The following AHRR variants were observed in gnomAD, a reference collection of about 807,000 sequenced individuals.
The protein encoded by AHRR is aryl hydrocarbon receptor repressor.
In AHRR, 28 loss-of-function variants were observed where a neutral mutation model predicts 44.0. That is an observed-to-expected ratio of 0.64 (90% CI 0.47 to 0.87). The LOEUF is 0.87. Among genes scored for constraint, AHRR ranks in the 40% least tolerant of loss-of-function variants. AHRR has a pLI of 0.00. For missense variants in AHRR, 990 were observed against 953.9 expected (o/e 1.04, Z -0.50); for synonymous variants, 434 against 407.0 (o/e 1.07, Z -0.80).
chr5:391,034 G>A (rs1410066904), intron 4 of AHRR, among the ~76,000 whole-genome samples: 2 of 125,336 alleles, frequency 1.6e-5, no homozygotes, highest in African/African-American at 6.0e-5. Context: ...CTACCACCCA[G>A]GCAGAACATC....
At chr5:432,349 T>A in intron 8 of AHRR, 114 bp from the exon 9 acceptor site, 1 of 969,894 alleles carries the variant, frequency 1.0e-6, no homozygotes, top group Non-Finnish European at 1.6e-6. Context: ...TCTTCACTGC[T>A]CAGGTGTGAC....
chr5:329,729 T>C (rs1741848605), intron 1 of AHRR, among the ~76,000 whole-genome samples: 1 of 152,240 alleles, frequency 6.6e-6, no homozygotes, highest in Non-Finnish European at 1.5e-5. Flanking sequence ...TTAATGGTTA[T>C]TGTAAATGAG....
intron 4 of AHRR, among the ~76,000 whole-genome samples, chr5:377,409 G>T (rs535119531): frequency 6.6e-6 from 1 of 152,214 alleles, no homozygotes; most frequent in Admixed American, 6.5e-5. Flanking sequence ...GGTGGTCCCA[G>T]GATGGGGTTG....
At chr5:417,399 G>T (rs1735877296) in intron 5 of AHRR, among the ~76,000 whole-genome samples, 1 of 151,912 alleles carries the variant, frequency 6.6e-6, no homozygotes, top group Admixed American at 6.6e-5. Flanking sequence ...GTTTAGAGAA[G>T]GTGGCTTGGT....
intron 4 of AHRR, among the ~76,000 whole-genome samples, chr5:399,969 A>T (rs1734941377): frequency 1.3e-5 from 2 of 152,226 alleles, no homozygotes; most frequent in South Asian, 2.1e-4. Flanking sequence ...GCTGCCTCGC[A>T]CGCACGCAAG....
chr5:355,130 C>T (rs755797975), intron 3 of AHRR, among the ~76,000 whole-genome samples: 6 of 152,210 alleles, frequency 3.9e-5, no homozygotes, highest in Non-Finnish European at 7.3e-5. Context: ...TATCTCTGTT[C>T]CCAGCCTGGG....
rs544124059 is a variant in AHRR at position 367,468 on chromosome 5, A to C, written c.245-9142A>C. Among the ~76,000 whole-genome samples the C allele has an allele frequency of 2.6e-5, 4 of 152,360 alleles. No homozygotes were observed. In the South Asian group the frequency reaches 8.3e-4, roughly 32 times the overall value. On this transcript the variant is annotated intron_variant, in intron 3 of 10. Transcript: ENST00000684583. The stretch of plus-strand genomic sequence containing the variant: ...CCCCACAGACACGGGTCTGAGCTGC[A>C]GTGCGTGGTCAAGGGCACAGAGGAG...
intron 8 of AHRR, among the ~76,000 whole-genome samples, chr5:429,399 C>T (rs967796799): frequency 8.5e-5 from 13 of 152,184 alleles, no homozygotes; most frequent in East Asian, 7.7e-4. Flanking sequence ...GCCACCTGGG[C>T]GAGTTGCCGC....
rs1733716766 is a variant in AHRR at position 376,703 on chromosome 5, G to T, written c.338G>T (p.Arg113Met). Residue 113 changes from arginine (R) to methionine (M), a missense_variant, in exon 4 of 11, where the codon AGG becomes ATG. Arg to Met is a moderately conservative substitution (Grantham distance 91, BLOSUM62 -1). Transcript: ENST00000684583. Reference protein sequence around the residue: ...PLAGSAVLEGRLLLESLNGFA... With the variant: ...PLAGSAVLEGMLLLESLNGFA... ...GCAGGGTCTGCCGTGCTGGAGGGAA[G>T]GCTGCTGTTGGAGGTGAGTGCCACC... The T allele has an allele frequency of 6.2e-7, 1 of 1,607,590 alleles. No individual in the cohort carries two copies. The highest frequency in any genetic ancestry group is 8.5e-7 in the Non-Finnish European group (1 of 1,177,568).
intron 8 of AHRR, among the ~76,000 whole-genome samples, chr5:431,020 A>C (rs1736699488): frequency 1.3e-5 from 2 of 152,158 alleles, no homozygotes; most frequent in African/African-American, 4.8e-5. Context: ...GACCACGCAA[A>C]CCCTGGAACA....
chr5:403,639 GAA>G (rs34565085), intron 4 of AHRR: 541 of 326,248 alleles, frequency 1.7e-3, no homozygotes, highest in East Asian at 2.5e-3. Flanking sequence ...CTCCGTTTCA[GAA>G]AAAAAAAAAA....
At chr5:335,045 G>A (rs1742072377) in intron 1 of AHRR, among the ~76,000 whole-genome samples, 1 of 152,158 alleles carries the variant, frequency 6.6e-6, no homozygotes, top group Non-Finnish European at 1.5e-5. Flanking sequence ...TGGGGACTGG[G>A]ATGCTGGGTG....
intron 4 of AHRR, among the ~76,000 whole-genome samples, chr5:397,764 C>T (rs1334384733): frequency 2.3e-5 from 3 of 129,130 alleles, no homozygotes; most frequent in African/African-American, 5.9e-5. Context: ...CATGTTAGCC[C>T]CTGACCGTCC....
At position 434,740 on chromosome 5, in the gene AHRR, C is replaced by T; in HGVS notation, c.2000C>T (p.Thr667Ile). The change falls in exon 11 of 11, where the codon ACT (threonine) becomes ATT (isoleucine). Residue 667 changes from threonine (T) to isoleucine (I), a missense_variant. Physicochemically the swap from Thr to Ile is moderately conservative, Grantham distance 89 (BLOSUM62 -1). Transcript: ENST00000684583. ...CCCTTGGACTCACCCCAGTGGGCTA[C>T]TCACAGCCAGGGAATGGTGCCCGGG... ...REPLDSPQWA[T>I]HSQGMVPGML... 1 of 1,569,536 alleles carries T rather than the reference C, an allele frequency of 6.4e-7. No homozygotes were observed. Among genetic ancestry groups the T allele is most frequent in the Non-Finnish European group, 8.6e-7 (1 of 1,157,068 alleles).
intron 3 of AHRR, among the ~76,000 whole-genome samples, chr5:369,339 G>A (rs1341691114): frequency 6.6e-6 from 1 of 152,176 alleles, no homozygotes; most frequent in Non-Finnish European, 1.5e-5. Flanking sequence ...TGTTTTCTGG[G>A]ACACCTGAGG....
chr5:327,296 C>T (rs1741744894), intron 1 of AHRR, among the ~76,000 whole-genome samples: 1 of 152,114 alleles, frequency 6.6e-6, no homozygotes, highest in African/African-American at 2.4e-5. Flanking sequence ...GCATAGTGAT[C>T]AAGTCAAAGT....
chr5:413,584 T>C (rs1354707724), intron 5 of AHRR, 151 bp downstream of exon 5: 7 of 643,444 alleles, frequency 1.1e-5, no homozygotes, highest in African/African-American at 1.9e-5. Context: ...ACACCCCAGC[T>C]TTGTCTAGGG....
chr5:359,693 C>T (rs1338210444), intron 3 of AHRR, among the ~76,000 whole-genome samples: 1 of 152,140 alleles, frequency 6.6e-6, no homozygotes, highest in East Asian at 1.9e-4. Context: ...ACTGTGGGGC[C>T]TGAACACACA....
In AHRR at chr5:353,761, C is replaced by T. The variant is rs762593526; in HGVS notation, c.94C>T (p.Pro32Ser). Residue 32 changes from proline (P) to serine (S), a missense_variant, in exon 3 of 11, where the codon CCC (proline) becomes TCC (serine). By Grantham distance (74) the Pro-to-Ser change is moderately conservative. Transcript: ENST00000684583. ...CGCCGTGGGGGCAGAGAAGTCCAAC[C>T]CCTCCAAGCGACACCGGGACCGCCT... ...RPAVGAEKSN[P>S]SKRHRDRLNA... 1.2e-6 allele frequency: 2 copies of T among 1,612,728 alleles called. No homozygotes were observed. The highest frequency in any genetic ancestry group is 1.1e-5 in the South Asian group (1 of 91,062).
Sources: allele counts gnomAD v4.1 joint callset (sites outside exome capture counted in the v4.1 genomes callset), GRCh38; gene constraint gnomAD v4.1.1; transcripts MANE v1.5; gene names NCBI Gene and HGNC (gene_info 2026-07-23, HGNC 2026-07-21).